Variants in CCL3L3 observed in about 807,000 individuals in gnomAD.
CCL3L3 encodes the protein C-C motif chemokine ligand 3 like 3.
Under a neutral mutation model 9.0 loss-of-function variants are expected in CCL3L3, and 6 were observed. That is an observed-to-expected ratio of 0.67 (90% confidence interval 0.37 to 1.32). The LOEUF (loss-of-function observed/expected upper bound fraction) is 1.32. CCL3L3 is among the 40% of genes most tolerant of loss of function. CCL3L3 has a pLI of 0.02. For missense variants in CCL3L3, 93 were observed against 117.0 expected (o/e 0.79, Z 0.95); for synonymous variants, 38 against 45.7 (o/e 0.83, Z 0.68).
chr17:36,196,405 C>G lies in CCL3L3; in HGVS notation c.76+193G>C, dbSNP rs1186703993. 28 of 776,688 alleles carry G rather than the reference C, an allele frequency of 3.6e-5. No homozygotes were observed. In the East Asian group the frequency reaches 3.7e-4, roughly 10 times the overall value. The allele number at this position is 776,688 out of a possible 1,614,324, so 48.1% of individuals were successfully genotyped here. ...CCCTGCCCCTGCCTAGATTCTCATA[C>G]CTGGAGACTAGGAGGGCTAAGACCC... is the stretch of plus-strand genomic sequence containing the variant. On this transcript the variant is annotated intron_variant, in intron 1 of 2. Transcript: ENST00000619989.
chr17:36,195,644 G>T, intron 2 of CCL3L3, 154 bp downstream of exon 2: 1 of 1,161,278 alleles, frequency 8.6e-7, no homozygotes, highest in Non-Finnish European at 1.3e-6. Context: ...CCTCACTCCA[G>T]CCCCAAGTCA....
chr17:36,196,695 T>C lies in CCL3L3; in HGVS notation c.-22A>G, dbSNP rs2068624835. On this transcript the variant is annotated 5_prime_UTR_variant, in exon 1 of 3. Transcript: ENST00000619989. ...GCATGATTGGGAGCAGGTGATGGAATGTGGGCTCGAGTGTCAGCAGAGCCA... is the reference window on the plus strand; with the variant it reads ...GCATGATTGGGAGCAGGTGATGGAACGTGGGCTCGAGTGTCAGCAGAGCCA... 1 of 1,578,990 alleles carries C rather than the reference T, an allele frequency of 6.3e-7. No homozygotes were observed. The highest frequency in any genetic ancestry group is 1.3e-5 in the African/African-American group (1 of 74,726).
rs1452464881 is a variant in CCL3L3 at position 36,196,682 on chromosome 17, G to A, written c.-9C>T. On this transcript the variant is annotated 5_prime_UTR_variant, in exon 1 of 3. Transcript: ENST00000619989. ...GCAGTGGAGACCTGCATGATTGGGA[G>A]CAGGTGATGGAATGTGGGCTCGAGT... is the stretch of plus-strand genomic sequence containing the variant. 2.5e-6 allele frequency: 4 copies of A among 1,580,506 alleles called. No homozygotes were observed. Among genetic ancestry groups the A allele is most frequent in the South Asian group, 2.2e-5 (2 of 89,026 alleles).
In CCL3L3 at chr17:36,196,580, A is replaced by G. The variant is rs749551915; in HGVS notation, c.76+18T>C. 2.5e-6 allele frequency: 4 copies of G among 1,580,560 alleles called. No individual in the cohort carries two copies. The East Asian group carries it at 9.0e-5, about 35-fold the overall frequency. On this transcript the variant is annotated intron_variant, in intron 1 of 2. Transcript: ENST00000619989. ...TGGCCAGAGAGTGGTGATACCCACA[A>G]CAACAACATGGACTCACGTGGTGCA...
Position 36,195,154 on chromosome 17 carries a change from G to A in CCL3L3, c.*132C>T, listed in dbSNP as rs2068606639. The A allele has an allele frequency of 4.9e-6, 5 of 1,026,196 alleles. No homozygotes were observed. The highest frequency in any genetic ancestry group is 7.7e-6 in the Non-Finnish European group (5 of 646,858). The allele number at this position is 1,026,196 out of a possible 1,614,324, so 63.6% of individuals were successfully genotyped here. A position where few individuals can be genotyped will look rare whatever the true frequency, so the allele number is the denominator to read the frequency against. ...TTTAAGTTAAGAAGAGTCCCACAGT[G>A]TGGCTGTTTGGCAATAACCAGTCCA... is the stretch of plus-strand genomic sequence containing the variant. On this transcript the variant is annotated 3_prime_UTR_variant, in exon 3 of 3. Transcript: ENST00000619989.
intron 2 of CCL3L3, 45 bp downstream of exon 2, chr17:36,195,753 A>C (rs1296274340): frequency 6.4e-7 from 1 of 1,570,576 alleles, no homozygotes; most frequent in African/African-American, 1.3e-5. Flanking sequence ...CCCCACCCTG[A>C]CACTCCCTAC....
intron 2 of CCL3L3, 158 bp from the exon 3 acceptor site, chr17:36,195,534 G>A: frequency 8.7e-7 from 1 of 1,152,864 alleles, no homozygotes; most frequent in Non-Finnish European, 1.3e-6. Context: ...GCTTCTCTCA[G>A]TGACTCCAGG....
Position 36,196,602 on chromosome 17 carries a change from T to C in CCL3L3, c.72A>G (p.Ala24=). ...TMALCNQVLS[A]PLAADTPTAC... is the part of the protein sequence containing the mutation. ...ACAACAACAACATGGACTCACGTGGTGCAGAGAGGACCTGGTTGCAGAGAG... is the reference window on the plus strand; with the variant it reads ...ACAACAACAACATGGACTCACGTGGCGCAGAGAGGACCTGGTTGCAGAGAG... Residue 24 remains alanine, a synonymous_variant, in exon 1 of 3, where the codon GCA becomes GCG. Transcript: ENST00000619989. 6.3e-7 allele frequency: 1 copy of C among 1,581,202 alleles called. No homozygotes were observed. Among genetic ancestry groups the C allele is most frequent in the Non-Finnish European group, 8.6e-7 (1 of 1,156,404 alleles).
Position 36,195,724 on chromosome 17 carries a change from C to G in CCL3L3, c.191+74G>C, listed in dbSNP as rs1186570835. On this transcript the variant is annotated intron_variant, in intron 2 of 2. Coordinates refer to ENST00000619989, the MANE Select transcript of CCL3L3 (RefSeq NM_001001437.4). ...TGAAGGCTGGGCCTTTCCAGGATGGCCTTCTGGCCTGTTTCTGCCCCCACC... is the reference window on the plus strand; with the variant it reads ...TGAAGGCTGGGCCTTTCCAGGATGGGCTTCTGGCCTGTTTCTGCCCCCACC... 4 of 1,522,856 alleles carry G rather than the reference C, an allele frequency of 2.6e-6. 1 individual carries two copies. The highest frequency in any genetic ancestry group is 3.6e-6 in the Non-Finnish European group (4 of 1,102,364). The allele number at this position is 1,522,856 out of a possible 1,614,324, so 94.3% of individuals were successfully genotyped here.
intron 2 of CCL3L3, 130 bp from the exon 3 acceptor site, chr17:36,195,506 C>T: frequency 2.3e-6 from 3 of 1,292,628 alleles, no homozygotes; most frequent in Non-Finnish European, 3.4e-6. Flanking sequence ...GGGCCCCCTG[C>T]CTATCTCCGT....
In CCL3L3 at chr17:36,195,842, A is replaced by G. The variant is rs1163423892; in HGVS notation, c.147T>C (p.Ala49=). ...ACTGGCTGCTCGTCTCAAAGTAGTC[A>G]GCTATGAAATTCTGTGGAATCTGTC... ...TSRQIPQNFI[A]DYFETSSQCS... Residue 49 remains alanine (A), a synonymous_variant, in exon 2 of 3, where the codon GCT becomes GCC. Coordinates refer to ENST00000619989, the MANE Select transcript of CCL3L3 (RefSeq NM_001001437.4). 1.9e-6 allele frequency: 3 copies of G among 1,583,018 alleles called. No individual in the cohort carries two copies. The highest frequency in any genetic ancestry group is 2.6e-6 in the Non-Finnish European group (3 of 1,157,812).
intron 1 of CCL3L3, chr17:36,196,163 A>G (rs1471781266): frequency 3.2e-6 from 2 of 633,166 alleles, no homozygotes; most frequent in South Asian, 3.5e-5. Context: ...AGCTCTCTTC[A>G]TGGAATTTTG....
chr17:36,195,500 C>T lies in CCL3L3; in HGVS notation c.192-124G>A. ...CAAGGCCTGCTCCTCTCTCAGGGGC[C>T]CCCTGCCTATCTCCGTCTAGAGAGC... On this transcript the variant is annotated intron_variant, in intron 2 of 2. Transcript: ENST00000619989. The T allele has an allele frequency of 2.2e-6, 3 of 1,341,106 alleles. No homozygotes were observed. In the East Asian group the frequency reaches 6.8e-5, roughly 30 times the overall value. 83.1% of individuals were successfully genotyped at this position (1,341,106 alleles called of 1,614,324 possible).
At chr17:36,195,971 T>A in intron 1 of CCL3L3, 59 bp from the exon 2 acceptor site, 1 of 1,272,692 alleles carries the variant, frequency 7.9e-7, no homozygotes, top group Non-Finnish European at 1.1e-6. Context: ...GCCAGGCAGC[T>A]TCTGATCCCT....
chr17:36,195,434 C>T, intron 2 of CCL3L3, 58 bp from the exon 3 acceptor site: 4 of 1,552,210 alleles, frequency 2.6e-6, no homozygotes, highest in Non-Finnish European at 3.5e-6. Flanking sequence ...AATCCTGGGC[C>T]CACCATGGCC....
Position 36,196,642 on chromosome 17 carries a change from A to C in CCL3L3, c.32T>G (p.Leu11Arg). Residue 11 changes from leucine to arginine, a missense_variant, in exon 1 of 3, where the codon CTC becomes CGC. Leu to Arg is a moderately radical substitution (Grantham distance 102). Transcript: ENST00000619989. MQVSTAALAV[L>R]LCTMALCNQV... ...GTTGCAGAGAGCCATGGTGCAGAGG[A>C]GGACGGCAAGGGCAGCAGTGGAGAC... is the stretch of plus-strand genomic sequence containing the variant. 1 of 1,581,064 alleles carries C rather than the reference A, an allele frequency of 6.3e-7. No individual in the cohort carries two copies. The highest frequency in any genetic ancestry group is 8.6e-7 in the Non-Finnish European group (1 of 1,156,408).
chr17:36,196,261 G>T (rs1283185951), intron 1 of CCL3L3: 5 of 643,432 alleles, frequency 7.8e-6, no homozygotes, highest in African/African-American at 6.9e-5. Context: ...GGGAGACCTA[G>T]GGTGAGCTGG....
At chr17:36,196,193 C>T in intron 1 of CCL3L3, 2 of 631,976 alleles carry the variant, frequency 3.2e-6, no homozygotes, top group Admixed American at 4.4e-5. Context: ...GAAGTCATAC[C>T]CCAGCCCAAG....
rs1317902592 is a variant in CCL3L3, at chr17:36,196,641, G to A, written c.33C>T (p.Leu11=). MQVSTAALAV[L]LCTMALCNQV... Reference sequence around the variant, plus strand: ...GGTTGCAGAGAGCCATGGTGCAGAGGAGGACGGCAAGGGCAGCAGTGGAGA... The same window carrying A: ...GGTTGCAGAGAGCCATGGTGCAGAGAAGGACGGCAAGGGCAGCAGTGGAGA... Residue 11 remains leucine (L), a synonymous_variant, in exon 1 of 3, where the codon CTC becomes CTT. Transcript: ENST00000619989. 22 of 1,581,066 alleles carry A rather than the reference G, an allele frequency of 1.4e-5. No individual in the cohort carries two copies. In the East Asian group the frequency reaches 4.7e-4, roughly 34 times the overall value.
Sources: allele counts gnomAD v4.1 joint callset, GRCh38; gene constraint gnomAD v4.1.1; transcripts MANE v1.5; gene names NCBI Gene and HGNC (gene_info 2026-07-23, HGNC 2026-07-21).